The following RARB variants were observed in gnomAD, a reference collection of about 807,000 sequenced individuals.
The protein encoded by RARB is HBV-activated protein.
A neutral mutation model predicts 51.9 loss-of-function variants in RARB; 17 were observed. That is an observed-to-expected ratio of 0.33 (90% CI 0.22 to 0.49). The LOEUF is 0.49. Ranked by LOEUF, RARB falls within the 20% of genes least tolerant of loss-of-function variation. The pLI, the probability that RARB is intolerant of heterozygous loss-of-function variation, is 0.99. For missense variants in RARB, 369 were observed against 550.8 expected (o/e 0.67, Z 3.30); for synonymous variants, 215 against 195.4 (o/e 1.10, Z -0.84).
At chr3:24,956,203 A>G (rs1006003627) in intron 2 of RARB, among the ~76,000 whole-genome samples, 1 of 152,194 alleles carries the variant, frequency 6.6e-6, no homozygotes, top group Non-Finnish European at 1.5e-5. Context: ...TGCTTCAACA[A>G]GACAGACATT....
chr3:25,275,775 G>C (rs936932596), intron 5 of RARB, among the ~76,000 whole-genome samples: 1 of 150,980 alleles, frequency 6.6e-6, no homozygotes, highest in Non-Finnish European at 1.5e-5. Context: ...GGCTTGTCGT[G>C]GGGTGGAGGG....
At chr3:25,559,810 A>G (rs1700200128) in intron 3 of RARB, among the ~76,000 whole-genome samples, 1 of 152,162 alleles carries the variant, frequency 6.6e-6, no homozygotes, top group East Asian at 1.9e-4. Flanking sequence ...GGATAGGTGG[A>G]TCAATGGATG....
intron 2 of RARB, among the ~76,000 whole-genome samples, chr3:24,923,122 C>G (rs1241140225): frequency 6.6e-6 from 1 of 152,150 alleles, no homozygotes; most frequent in Non-Finnish European, 1.5e-5. Flanking sequence ...GGTATTTGAG[C>G]TATCCATTTA....
chr3:25,311,392 T>C (rs1052499546), intron 5 of RARB, among the ~76,000 whole-genome samples: 1 of 152,260 alleles, frequency 6.6e-6, no homozygotes, highest in Non-Finnish European at 1.5e-5. Flanking sequence ...CCATACTGTT[T>C]GGGTCGGTAC....
chr3:25,391,221 T>C (rs1706945892), intron 5 of RARB, among the ~76,000 whole-genome samples: 1 of 152,212 alleles, frequency 6.6e-6, no homozygotes, highest in African/African-American at 2.4e-5. Context: ...GTAAATGCCA[T>C]TATTTCATTC....
intron 5 of RARB, among the ~76,000 whole-genome samples, chr3:25,587,776 CAT>C (rs1701454340): frequency 6.6e-6 from 1 of 152,200 alleles, no homozygotes; most frequent in South Asian, 2.1e-4. Context: ...TTCCCACAGG[CAT>C]ATGGGGATAA....
At chr3:25,352,023 G>T (rs1575334037) in intron 5 of RARB, among the ~76,000 whole-genome samples, 1 of 152,196 alleles carries the variant, frequency 6.6e-6, no homozygotes, top group East Asian at 1.9e-4. Flanking sequence ...CTGTGAGTTT[G>T]CACCCTGAAT....
intron 2 of RARB, among the ~76,000 whole-genome samples, chr3:24,917,941 C>T (rs1559395600): frequency 6.6e-6 from 1 of 152,204 alleles, no homozygotes; most frequent in African/African-American, 2.4e-5. Flanking sequence ...AACCCTCATA[C>T]ATTGCTGATG....
intron 2 of RARB, among the ~76,000 whole-genome samples, chr3:24,860,874 A>G (rs1488956073): frequency 6.6e-6 from 1 of 152,200 alleles, no homozygotes; most frequent in Non-Finnish European, 1.5e-5. Context: ...CTTCTTGTAT[A>G]CTAATGACTT....
At chr3:24,952,598 G>T (rs1251370885) in intron 2 of RARB, among the ~76,000 whole-genome samples, 1 of 152,062 alleles carries the variant, frequency 6.6e-6, no homozygotes, top group African/African-American at 2.4e-5. Flanking sequence ...CTCACTCTCA[G>T]TCTCTATCTA....
chr3:25,279,975 C>T (rs1442919964), intron 5 of RARB, among the ~76,000 whole-genome samples: 1 of 152,120 alleles, frequency 6.6e-6, no homozygotes, highest in Non-Finnish European at 1.5e-5. Context: ...AAGATTTCTT[C>T]TCCTCACACA....
chr3:25,091,286 A>T (rs931039886), intron 3 of RARB, among the ~76,000 whole-genome samples: 1 of 152,156 alleles, frequency 6.6e-6, no homozygotes, highest in African/African-American at 2.4e-5. Context: ...GAAGATACAC[A>T]TCTCTTTATG....
chr3:24,966,606 ATCTCTCTCTCTCTCTC>A (rs55848511), intron 2 of RARB, among the ~76,000 whole-genome samples: 5 of 140,340 alleles, frequency 3.6e-5, no homozygotes, highest in Middle Eastern at 3.5e-3. Flanking sequence ...GTTTACATTC[ATCTCTCTCTCTCTCTC>A]TCTCTCTCTC....
chr3:25,413,335 T>C (rs888325044), intron 5 of RARB, among the ~76,000 whole-genome samples: 21 of 152,222 alleles, frequency 1.4e-4, no homozygotes, highest in Admixed American at 1.4e-3. Flanking sequence ...CTGGAGAGTC[T>C]TCTATTGTGT....
At chr3:25,099,198 A>G (rs1466294849) in intron 3 of RARB, among the ~76,000 whole-genome samples, 1 of 152,168 alleles carries the variant, frequency 6.6e-6, no homozygotes, top group Non-Finnish European at 1.5e-5. Context: ...TAAATATAGC[A>G]GTTCGTTTGT....
chr3:25,548,457 GAATAATA>G (rs1699710566), intron 3 of RARB, among the ~76,000 whole-genome samples: 1 of 152,010 alleles, frequency 6.6e-6, no homozygotes, highest in African/African-American at 2.4e-5. Context: ...ATTATGTAAT[GAATAATA>G]CAGGAGGACC....
At chr3:25,133,026 T>C (rs1227437346) in intron 4 of RARB, among the ~76,000 whole-genome samples, 1 of 151,990 alleles carries the variant, frequency 6.6e-6, no homozygotes, top group East Asian at 1.9e-4. Context: ...TAAAAAGTTT[T>C]ACAACTACTG....
chr3:24,879,187 T>G (rs1279113408), intron 2 of RARB, among the ~76,000 whole-genome samples: 3 of 152,126 alleles, frequency 2.0e-5, no homozygotes, highest in Non-Finnish European at 4.4e-5. Context: ...CCCAGCACTT[T>G]GGGAGGCCGC....
At chr3:25,511,874 G>A (rs1210717998) in intron 3 of RARB, among the ~76,000 whole-genome samples, 3 of 152,172 alleles carry the variant, frequency 2.0e-5, no homozygotes, top group Non-Finnish European at 4.4e-5. Context: ...AAAACAAGGG[G>A]TCAATGAATG....
Sources: gnomAD v4.1 joint callset for allele counts (sites outside exome capture counted in the v4.1 genomes callset) on GRCh38, gnomAD v4.1.1 for gene constraint, MANE v1.5 for transcripts, NCBI Gene and HGNC (gene_info 2026-07-23, HGNC 2026-07-21) for gene names.